Variants in RUNX1 observed in about 807,000 individuals in gnomAD.
RUNX1 encodes RUNX family transcription factor 1.
In RUNX1, 19 loss-of-function variants were observed where a neutral mutation model predicts 42.8. The ratio of observed to expected loss-of-function variants is 0.44; its 90% confidence interval spans 0.31 to 0.65. RUNX1 has a LOEUF of 0.65. Ranked by LOEUF, RUNX1 falls within the 30% of genes least tolerant of loss-of-function variation. The pLI is 0.07. For synonymous variants in RUNX1, 271 were observed against 289.4 expected (o/e 0.94, Z 0.64); for missense variants, 528 against 672.0 (o/e 0.79, Z 2.37).
intron 2 of RUNX1, among the ~76,000 whole-genome samples, chr21:34,982,541 T>C (rs2146795554): frequency 6.6e-6 from 1 of 152,274 alleles, no homozygotes; most frequent in African/African-American, 2.4e-5. Flanking sequence ...GCCTCATTAA[T>C]GATTGCGATA....
At chr21:34,878,334 T>C (rs1386511763) in intron 5 of RUNX1, among the ~76,000 whole-genome samples, 1 of 143,096 alleles carries the variant, frequency 7.0e-6, no homozygotes, top group Non-Finnish European at 1.5e-5. Flanking sequence ...TTTACTTTTG[T>C]AGCGCTGACT....
intron 2 of RUNX1, among the ~76,000 whole-genome samples, chr21:34,993,668 GACACACACACAGACACACACACAGGCGC>G: frequency 3.9e-5 from 2 of 50,812 alleles, no homozygotes; most frequent in South Asian, 5.2e-4. Flanking sequence ...GACACACAGA[GACACACACACAGACACACACACAGGCGC>G]ACACACACAC....
At chr21:35,027,725 AACAC>A (rs756215848) in intron 2 of RUNX1, among the ~76,000 whole-genome samples, 92 of 152,232 alleles carry the variant, frequency 6.0e-4, no homozygotes, top group Admixed American at 1.6e-3. Flanking sequence ...AATAAATATA[AACAC>A]ACACACACAA....
At chr21:34,861,331 G>A (rs769735631) in intron 5 of RUNX1, among the ~76,000 whole-genome samples, 1 of 152,184 alleles carries the variant, frequency 6.6e-6, no homozygotes, top group East Asian at 1.9e-4. Flanking sequence ...CGCAGAGGGA[G>A]GCAGGTCCTG....
intron 7 of RUNX1, among the ~76,000 whole-genome samples, chr21:34,819,604 C>G (rs1311364612): frequency 1.3e-5 from 2 of 152,246 alleles, no homozygotes; most frequent in African/African-American, 4.8e-5. Context: ...GTCACCCTGA[C>G]CCTGAATTCA....
intron 2 of RUNX1, among the ~76,000 whole-genome samples, chr21:34,986,750 T>C (rs1409948795): frequency 6.6e-6 from 1 of 151,924 alleles, no homozygotes; most frequent in Non-Finnish European, 1.5e-5. Context: ...GGAAGGATCC[T>C]CTCCTGGAGC....
intron 6 of RUNX1, among the ~76,000 whole-genome samples, chr21:34,838,564 A>C (rs1020349020): frequency 5.9e-5 from 9 of 152,356 alleles, no homozygotes; most frequent in African/African-American, 1.9e-4. Context: ...CAATTTTAAA[A>C]GGATATCTGT....
At chr21:34,847,398 C>T (rs182273806) in intron 6 of RUNX1, among the ~76,000 whole-genome samples, 304 of 152,042 alleles carry the variant, frequency 2.0e-3, no homozygotes, top group South Asian at 5.2e-3. Flanking sequence ...AAAGACACGA[C>T]GAGATAATAT....
rs1298273572 is a variant in RUNX1, at chr21:34,792,342, G to T, written c.1236C>A (p.Gly412=). 1 of 1,555,452 alleles carries T rather than the reference G, an allele frequency of 6.4e-7. No homozygotes were observed. The highest frequency in any genetic ancestry group is 8.7e-7 in the Non-Finnish European group (1 of 1,149,978). Residue 412 remains glycine, a synonymous_variant, in exon 9 of 9, where the codon GGC becomes GGA. Transcript: ENST00000675419. The surrounding 1 kb of genome is among the most constrained non-coding windows in gnomAD (Gnocchi z 6.9). ...SYHLYYGASA[G]SYQFSMVGGE... Reference sequence around the variant, plus strand: ...CGCCCACCATGGAGAACTGGTAGGAGCCGGCCGAGGCGCCGTAGTACAGGT... The same window carrying T: ...CGCCCACCATGGAGAACTGGTAGGATCCGGCCGAGGCGCCGTAGTACAGGT...
At chr21:34,895,611 G>A (rs1795572030) in intron 2 of RUNX1, among the ~76,000 whole-genome samples, 1 of 152,214 alleles carries the variant, frequency 6.6e-6, no homozygotes, top group South Asian at 2.1e-4. Flanking sequence ...GTGGGGAAAT[G>A]GTGCTCTGGG....
intron 2 of RUNX1, among the ~76,000 whole-genome samples, chr21:34,897,194 C>G (rs1186963486): frequency 6.6e-6 from 1 of 152,146 alleles, no homozygotes; most frequent in Non-Finnish European, 1.5e-5. Flanking sequence ...GCCAAGATCT[C>G]TTTTTGATTT....
Position 34,940,116 on chromosome 21 carries a change from G to GT in RUNX1, c.59-47154dup, listed in dbSNP as rs551591877. ...TTCTGGTACACAGTAAATTCCGATG[G>GT]TTTTTTTGCTGTGCATGCCTCATGG... On this transcript the variant is annotated intron_variant, in intron 2 of 8. Transcript: ENST00000675419. Among the ~76,000 whole-genome samples, 40 of 152,132 alleles carry GT rather than the reference G, an allele frequency of 2.6e-4. No homozygotes were observed. The South Asian group carries it at 8.1e-3, about 31-fold the overall frequency.
intron 2 of RUNX1, among the ~76,000 whole-genome samples, chr21:35,037,002 T>C (rs1237102051): frequency 1.3e-5 from 2 of 152,160 alleles, no homozygotes; most frequent in African/African-American, 4.8e-5. Context: ...TTCCATGGCC[T>C]GGACTGGGAC....
intron 6 of RUNX1, among the ~76,000 whole-genome samples, chr21:34,846,194 CTTT>C (rs5843687): frequency 0.029 from 3,003 of 102,230 alleles, 34 homozygotes; most frequent in African/African-American, 0.035. Flanking sequence ...TTAAGGATGT[CTTT>C]TTTTTTTTTT....
At chr21:34,995,393 A>G (rs1444579157) in intron 2 of RUNX1, among the ~76,000 whole-genome samples, 1 of 146,656 alleles carries the variant, frequency 6.8e-6, no homozygotes, top group South Asian at 2.2e-4. Flanking sequence ...AACTCTGTTG[A>G]GACTTGACCT....
At position 34,841,297 on chromosome 21, in the gene RUNX1, C is replaced by T. The variant is rs539704778; in HGVS notation, c.614-6696G>A. ...AGGATACCTCCACTTCCTAGGAATC[C>T]CTTTTACCCACTCAGCGATTTCTAG... is the stretch of plus-strand genomic sequence containing the variant. On this transcript the variant is annotated intron_variant, in intron 6 of 8. Coordinates refer to ENST00000675419, the MANE Select transcript of RUNX1 (RefSeq NM_001754.5). 4.6e-5 allele frequency among the ~76,000 whole-genome samples: 7 copies of T among 152,206 alleles called. No homozygotes were observed. In the East Asian group the frequency reaches 1.4e-3, roughly 29 times the overall value.
chr21:34,794,471 A>C (rs1372651618), intron 8 of RUNX1, among the ~76,000 whole-genome samples: 1 of 152,212 alleles, frequency 6.6e-6, no homozygotes, highest in African/African-American at 2.4e-5. Context: ...TTGTTAACAC[A>C]AGTAGATGTA....
At chr21:34,860,374 T>C (rs2268288) in intron 5 of RUNX1, among the ~76,000 whole-genome samples, 37,127 of 152,150 alleles carry the variant, frequency 0.24, 5,078 homozygotes, top group Middle Eastern at 0.39. Flanking sequence ...GGCAAGTCAC[T>C]AGACACCTCT....
At chr21:34,802,886 A>C (rs1035198913) in intron 7 of RUNX1, among the ~76,000 whole-genome samples, 3 of 152,202 alleles carry the variant, frequency 2.0e-5, no homozygotes, top group African/African-American at 7.2e-5. Flanking sequence ...TCTGACTTCA[A>C]AGGGTAATAG....
Sources: allele counts gnomAD v4.1 joint callset (sites outside exome capture counted in the v4.1 genomes callset), GRCh38; gene constraint gnomAD v4.1.1; non-coding constraint Gnocchi (gnomAD v3.1); transcripts MANE v1.5; gene names NCBI Gene and HGNC (gene_info 2026-07-23, HGNC 2026-07-21).